The following SUFU variants were observed in gnomAD, a reference collection of about 807,000 sequenced individuals.
SUFU encodes the protein suppressor of fused homolog.
SUFU carries 7 observed loss-of-function variants against 58.9 expected under a neutral mutation model. That is an observed-to-expected ratio of 0.12 (90% CI 0.07 to 0.22). The LOEUF (loss-of-function observed/expected upper bound fraction) is 0.22. SUFU is among the 10% of genes least tolerant of loss of function. The pLI, the probability that SUFU is intolerant of heterozygous loss-of-function variation, is 1.00. For synonymous variants in SUFU, 232 were observed against 254.8 expected, an observed-to-expected ratio of 0.91 and a Z score of 0.85; for missense variants, 451 against 641.3, an observed-to-expected ratio of 0.70 and a Z score of 3.20.
At chr10:102,514,667 C>G (rs1050091809) in intron 2 of SUFU, among the ~76,000 whole-genome samples, 3 of 152,234 alleles carry the variant, frequency 2.0e-5, no homozygotes, top group Non-Finnish European at 4.4e-5. Flanking sequence ...CTGCCAAGTG[C>G]TGTCGGAGCT....
rs1157976114 is a variant in SUFU at position 102,542,444 on chromosome 10, A to AT, written c.318-7517dup. 9.1e-3 allele frequency among the ~76,000 whole-genome samples: 1,118 copies of AT among 122,520 alleles called. 14 individuals carry two copies. Among genetic ancestry groups the AT allele is most frequent in the Non-Finnish European group, 0.012 (671 of 54,928 alleles). 80.4% of individuals were successfully genotyped at this position (122,520 alleles called of 152,430 possible). On this transcript the variant is annotated intron_variant, in intron 2 of 11. Coordinates refer to ENST00000369902, the MANE Select transcript of SUFU (RefSeq NM_016169.4). ...CTGCGCCCGGCCTATATATATATAT[A>AT]TTTTTTTTTAAGTAGAGATGGGGTT...
Position 102,507,961 on chromosome 10 carries a change from A to ATT in SUFU, c.183-1186_183-1185dup, listed in dbSNP as rs3061832. The stretch of plus-strand genomic sequence containing the variant: ...CTCTAGCTACCAAAATTTCTTATCC[A>ATT]TTTTTTTTTTTTTTTTTTTTTTTAG... On this transcript the variant is annotated intron_variant, in intron 1 of 11. Transcript: ENST00000369902. 6.3e-4 allele frequency among the ~76,000 whole-genome samples: 74 copies of ATT among 116,554 alleles called. 1 individual carries two copies. Among genetic ancestry groups the ATT allele is most frequent in the African/African-American group, 2.0e-3 (60 of 30,206 alleles). 76.5% of individuals were successfully genotyped at this position (116,554 alleles called of 152,430 possible).
intron 3 of SUFU, among the ~76,000 whole-genome samples, chr10:102,552,579 G>A (rs1393573773): frequency 6.6e-6 from 1 of 152,084 alleles, no homozygotes; most frequent in African/African-American, 2.4e-5. Context: ...GAAAAAAAAG[G>A]GTCATTTTTT....
At chr10:102,592,775 G>C (rs759663052) in intron 4 of SUFU, 51 bp downstream of exon 4, 1 of 1,608,632 alleles carries the variant, frequency 6.2e-7, no homozygotes, top group Non-Finnish European at 8.5e-7. Flanking sequence ...GAAGGGTCCT[G>C]GGAGGACAAG....
At chr10:102,549,262 T>G (rs1198349769) in intron 2 of SUFU, among the ~76,000 whole-genome samples, 4 of 152,196 alleles carry the variant, frequency 2.6e-5, no homozygotes, top group African/African-American at 9.7e-5. Flanking sequence ...TTTAATTGAC[T>G]CACAGTTCCA....
intron 2 of SUFU, among the ~76,000 whole-genome samples, chr10:102,532,046 T>C (rs1454355283): frequency 6.6e-6 from 1 of 152,002 alleles, no homozygotes; most frequent in African/African-American, 2.4e-5. Flanking sequence ...CACTGCAGCC[T>C]CTGCCTCCCG....
chr10:102,615,240 C>A, intron 8 of SUFU, 28 bp from the exon 9 acceptor site: 1 of 1,614,024 alleles, frequency 6.2e-7, no homozygotes, highest in Non-Finnish European at 8.5e-7. Flanking sequence ...CACCTTGTGC[C>A]GAACCTTTTC....
At chr10:102,611,309 A>T (rs2063620105) in intron 8 of SUFU, among the ~76,000 whole-genome samples, 1 of 152,234 alleles carries the variant, frequency 6.6e-6, no homozygotes, top group Non-Finnish European at 1.5e-5. Context: ...TGGTTTGAGA[A>T]TTGCAGGAAG....
At chr10:102,548,535 A>G (rs2062877289) in intron 2 of SUFU, among the ~76,000 whole-genome samples, 1 of 152,180 alleles carries the variant, frequency 6.6e-6, no homozygotes, top group South Asian at 2.1e-4. Flanking sequence ...ATCTTAGTTT[A>G]TGGTTTGTGT....
At position 102,509,211 on chromosome 10, in the gene SUFU, G is replaced by A; in HGVS notation, c.225G>A (p.Arg75=). The A allele has an allele frequency of 6.2e-7, 1 of 1,614,216 alleles. No individual in the cohort carries two copies. The highest frequency in any genetic ancestry group is 1.7e-4 in the Middle Eastern group (1 of 6,054). The change falls in exon 2 of 12, where the codon AGG becomes AGA. Residue 75 remains arginine (R), a synonymous_variant. Coordinates refer to ENST00000369902, the MANE Select transcript of SUFU (RefSeq NM_016169.4). ...CCTTGGACTATGTTAGCATGTACAG[G>A]AATGTGGGGAGCCCTTCTGCTAACA... ...PDPLDYVSMY[R]NVGSPSANIP...
Position 102,617,550 on chromosome 10 carries a change from T to A in SUFU, c.1296+122T>A. 7.2e-7 allele frequency: 1 copy of A among 1,390,352 alleles called. No homozygotes were observed. Among genetic ancestry groups the A allele is most frequent in the Non-Finnish European group, 1.0e-6 (1 of 985,300 alleles). 86.1% of individuals were successfully genotyped at this position (1,390,352 alleles called of 1,614,324 possible). A position where few individuals can be genotyped will look rare whatever the true frequency, so the allele number is the denominator to read the frequency against. On this transcript the variant is annotated intron_variant, in intron 10 of 11. Coordinates refer to ENST00000369902, the MANE Select transcript of SUFU (RefSeq NM_016169.4). This position sits in a 1 kb window ranked among gnomAD's most constrained non-coding sequence, Gnocchi z 4.4. The stretch of plus-strand genomic sequence containing the variant: ...TGGGGGGCTGGTCATGAATGCCTCA[T>A]GGATTCAGGGCCTGGGGCCTGTGTG...
chr10:102,612,960 A>T (rs56214830), intron 8 of SUFU, among the ~76,000 whole-genome samples: 33 of 152,208 alleles, frequency 2.2e-4, no homozygotes, highest in African/African-American at 7.5e-4. Flanking sequence ...GGCTCAGGAA[A>T]CACTGCTTCC....
intron 8 of SUFU, among the ~76,000 whole-genome samples, chr10:102,604,333 A>G (rs2063542173): frequency 6.6e-6 from 1 of 152,224 alleles, no homozygotes; most frequent in African/African-American, 2.4e-5. Context: ...CTTTCTCAGA[A>G]ATACATATTT....
intron 2 of SUFU, among the ~76,000 whole-genome samples, chr10:102,512,494 C>T (rs1398895458): frequency 6.6e-6 from 1 of 152,190 alleles, no homozygotes; most frequent in Non-Finnish European, 1.5e-5. Context: ...ATTGAGCAAG[C>T]CTCATATTTC....
intron 2 of SUFU, among the ~76,000 whole-genome samples, chr10:102,544,251 G>C (rs1249045680): frequency 6.6e-6 from 1 of 152,178 alleles, no homozygotes; most frequent in African/African-American, 2.4e-5. Context: ...GAGTTATAGA[G>C]AGTTAAACGA....
intron 3 of SUFU, among the ~76,000 whole-genome samples, chr10:102,550,610 T>C (rs1163324149): frequency 6.6e-6 from 1 of 152,200 alleles, no homozygotes; most frequent in Admixed American, 6.5e-5. Context: ...GGAGAGCTTG[T>C]TGCAAATACA....
At position 102,526,067 on chromosome 10, in the gene SUFU, G is replaced by A. The variant is rs74496492; in HGVS notation, c.317+16764G>A. On this transcript the variant is annotated intron_variant, in intron 2 of 11. Transcript: ENST00000369902. Reference sequence around the variant, plus strand: ...GGCTATTATGCACTATGCCAGTCAGGTGTCCACACTAAGTTCAGCATCAAT... The same window carrying A: ...GGCTATTATGCACTATGCCAGTCAGATGTCCACACTAAGTTCAGCATCAAT... Among the ~76,000 whole-genome samples the A allele has an allele frequency of 7.4e-3, 1,115 of 151,660 alleles. 16 individuals are homozygous for A. Among genetic ancestry groups the A allele is most frequent in the South Asian group, 0.012 (58 of 4,796 alleles).
intron 1 of SUFU, among the ~76,000 whole-genome samples, chr10:102,507,246 G>A (rs1278499727): frequency 6.6e-6 from 1 of 152,176 alleles, no homozygotes; most frequent in Non-Finnish European, 1.5e-5. Context: ...AGGGCTGCAG[G>A]GATGCTGCAG....
At chr10:102,556,775 A>G (rs7092120) in intron 3 of SUFU, among the ~76,000 whole-genome samples, 12 of 68,584 alleles carry the variant, frequency 1.7e-4, no homozygotes, top group South Asian at 1.1e-3. Context: ...AAGGAAGGGA[A>G]GAAGGAAGGG....
Sources: allele counts gnomAD v4.1 joint callset (sites outside exome capture counted in the v4.1 genomes callset), GRCh38; gene constraint gnomAD v4.1.1; non-coding constraint Gnocchi (gnomAD v3.1); transcripts MANE v1.5; gene names NCBI Gene and HGNC (gene_info 2026-07-23, HGNC 2026-07-21).